The following SPATS2L variants were observed in gnomAD, a reference collection of about 807,000 sequenced individuals.
The protein encoded by SPATS2L is spermatogenesis associated serine rich 2 like, also known as SPATS2-like protein.
A neutral mutation model predicts 59.6 loss-of-function variants in SPATS2L; 30 were observed. The ratio of observed to expected loss-of-function variants is 0.50; its 90% CI spans 0.38 to 0.68. The LOEUF is 0.68. Among genes scored for constraint, SPATS2L ranks in the 30% least tolerant of loss-of-function variants. The pLI is 0.00. For missense variants in SPATS2L, 615 were observed against 700.0 expected, an observed-to-expected ratio of 0.88 and a Z score of 1.37; for synonymous variants, 252 against 263.5, an observed-to-expected ratio of 0.96 and a Z score of 0.42.
intron 12 of SPATS2L, among the ~76,000 whole-genome samples, chr2:200,476,874 G>A (rs1310519509): frequency 2.0e-5 from 3 of 152,208 alleles, no homozygotes; most frequent in Non-Finnish European, 4.4e-5. Context: ...TAGTAAACGC[G>A]GGGGATTTTA....
chr2:200,320,880 G>T (rs1484866281), intron 1 of SPATS2L, among the ~76,000 whole-genome samples: 1 of 151,916 alleles, frequency 6.6e-6, no homozygotes, highest in Non-Finnish European at 1.5e-5. Flanking sequence ...TAATTTAAAA[G>T]AATAGTATTC....
chr2:200,479,363 T>C lies in SPATS2L; in HGVS notation c.*1332T>C, dbSNP rs1364933037. 7.6e-6 allele frequency: 3 copies of C among 394,522 alleles called. No individual in the cohort carries two copies. The highest frequency in any genetic ancestry group is 1.3e-5 in the Non-Finnish European group (3 of 224,044). The allele number at this position is 394,522 out of a possible 1,614,324, so 24.4% of individuals were successfully genotyped here. On this transcript the variant is annotated 3_prime_UTR_variant, in exon 13 of 13. Coordinates refer to ENST00000409140, the MANE Select transcript of SPATS2L (RefSeq NM_001100423.2). ...TAGTAGCTTCTACACAGAGCAAGTG[T>C]CTTTCTCAGAAATCCCAGCAAAGGT...
In SPATS2L at chr2:200,371,547, C is replaced by T. The variant is rs536134417; in HGVS notation, c.-22-17676C>T. ...GGCTATTTAATGAGGATATTGACTG[C>T]GGGATTAACTTACAGCTCAGGAGTA... On this transcript the variant is annotated intron_variant, in intron 2 of 12. Transcript: ENST00000409140. 2.6e-5 allele frequency among the ~76,000 whole-genome samples: 4 copies of T among 151,980 alleles called. No homozygotes were observed. In the South Asian group the frequency reaches 6.2e-4, roughly 24 times the overall value.
chr2:200,386,165 G>GGAGCCTGTAGAGGCAGCCTTCCA (rs548064400), intron 2 of SPATS2L, among the ~76,000 whole-genome samples: 2 of 152,142 alleles, frequency 1.3e-5, no homozygotes, highest in East Asian at 1.9e-4. Context: ...CCTGGAAGAT[G>GGAGCCTGTAGAGGCAGCCTTCCA]GAGCCTGTAG....
intron 3 of SPATS2L, among the ~76,000 whole-genome samples, chr2:200,403,768 G>A (rs1401208635): frequency 6.6e-6 from 1 of 152,068 alleles, no homozygotes; most frequent in African/African-American, 2.4e-5. Flanking sequence ...CATGCCGATC[G>A]GCACCGTAAC....
At chr2:200,425,305 A>G (rs1365738692) in intron 6 of SPATS2L, among the ~76,000 whole-genome samples, 1 of 151,928 alleles carries the variant, frequency 6.6e-6, no homozygotes, top group South Asian at 2.1e-4. Context: ...TAAGCCCTAT[A>G]TTGGACAGAG....
chr2:200,308,561 C>T (rs1262675378), intron 1 of SPATS2L, among the ~76,000 whole-genome samples: 1 of 152,094 alleles, frequency 6.6e-6, no homozygotes, highest in Non-Finnish European at 1.5e-5. Context: ...GAACAGAAAA[C>T]ATGTCAAATC....
chr2:200,424,611 T>C, intron 6 of SPATS2L, among the ~76,000 whole-genome samples: 1 of 152,224 alleles, frequency 6.6e-6, no homozygotes, highest in Non-Finnish European at 1.5e-5. Flanking sequence ...TTTTCCCAAA[T>C]GTTCCTCCTG....
intron 1 of SPATS2L, among the ~76,000 whole-genome samples, chr2:200,310,059 G>A (rs1399097099): frequency 6.6e-6 from 1 of 152,234 alleles, no homozygotes; most frequent in Admixed American, 6.5e-5. Flanking sequence ...TAAATGTGAT[G>A]TTATCCTTCC....
At chr2:200,360,453 T>C (rs952401003) in intron 2 of SPATS2L, among the ~76,000 whole-genome samples, 1 of 152,206 alleles carries the variant, frequency 6.6e-6, no homozygotes, top group Admixed American at 6.5e-5. Context: ...CTTCTCTACC[T>C]CTGTCCTCCC....
intron 2 of SPATS2L, among the ~76,000 whole-genome samples, chr2:200,341,829 A>G (rs1328544528): frequency 6.6e-6 from 1 of 151,624 alleles, no homozygotes. Context: ...AGCTGGGACT[A>G]CAGGTGCCTG....
Position 200,419,421 on chromosome 2 carries a change from A to G in SPATS2L, c.370A>G (p.Lys124Glu). 6.2e-7 allele frequency: 1 copy of G among 1,613,846 alleles called. No individual in the cohort carries two copies. Among genetic ancestry groups the G allele is most frequent in the East Asian group, 2.2e-5 (1 of 44,824 alleles). Residue 124 changes from lysine to glutamate, a missense_variant, in exon 6 of 13, where the codon AAA becomes GAA. Lys to Glu is a moderately conservative substitution (Grantham distance 56). Coordinates refer to ENST00000409140, the MANE Select transcript of SPATS2L (RefSeq NM_001100423.2). Reference sequence around the variant, plus strand: ...CTCGTCCACAGATTCTGCTAACGAAAAACCAGCCCTTATCCCTCGTGAGAA... The same window carrying G: ...CTCGTCCACAGATTCTGCTAACGAAGAACCAGCCCTTATCCCTCGTGAGAA... ...DSSSTDSANE[K>E]PALIPREKKI...
intron 8 of SPATS2L, among the ~76,000 whole-genome samples, chr2:200,442,039 C>T (rs2084735690): frequency 6.6e-6 from 1 of 152,118 alleles, no homozygotes; most frequent in African/African-American, 2.4e-5. Context: ...CTTTCTCCTT[C>T]AGTTATCATT....
rs533648940 is a variant in SPATS2L at position 200,372,086 on chromosome 2, T to G, written c.-22-17137T>G. 1.3e-5 allele frequency: 13 copies of G among 985,426 alleles called. No homozygotes were observed. The South Asian group carries it at 5.2e-4, about 39-fold the overall frequency. 61.0% of individuals were successfully genotyped at this position (985,426 alleles called of 1,614,324 possible). ...CTTGTAGGTATCAGCTGGACTTGAC[T>G]TGGCTTCAATTTTTGCTTCAAGCTT... On this transcript the variant is annotated intron_variant, in intron 2 of 12. Transcript: ENST00000409140.
At chr2:200,325,109 TA>T (rs948776968) in intron 1 of SPATS2L, among the ~76,000 whole-genome samples, 2 of 152,136 alleles carry the variant, frequency 1.3e-5, no homozygotes, top group Non-Finnish European at 2.9e-5. Context: ...ATAGCTATCA[TA>T]AAAAAAGAAA....
intron 6 of SPATS2L, among the ~76,000 whole-genome samples, chr2:200,432,889 A>G (rs974743581): frequency 6.6e-6 from 1 of 152,148 alleles, no homozygotes. Flanking sequence ...ACTGAAGAAC[A>G]GAGAGAAAAA....
At chr2:200,356,529 T>TC (rs1194624123) in intron 2 of SPATS2L, among the ~76,000 whole-genome samples, 1 of 152,218 alleles carries the variant, frequency 6.6e-6, no homozygotes, top group Non-Finnish European at 1.5e-5. Flanking sequence ...TGCTTTTTTT[T>TC]CTCCCAAAAT....
chr2:200,412,139 A>C (rs1322879228), intron 3 of SPATS2L, among the ~76,000 whole-genome samples, 172 bp from the exon 4 acceptor site: 1 of 152,198 alleles, frequency 6.6e-6, no homozygotes, highest in African/African-American at 2.4e-5. Flanking sequence ...GATTACCAGG[A>C]TGAATTTTCA....
chr2:200,308,273 T>G (rs1361313663), intron 1 of SPATS2L, among the ~76,000 whole-genome samples: 1 of 150,904 alleles, frequency 6.6e-6, no homozygotes, highest in Admixed American at 6.6e-5. Flanking sequence ...ATACAACCAA[T>G]ACCCTGAAAA....
Sources: allele counts gnomAD v4.1 joint callset (sites outside exome capture counted in the v4.1 genomes callset), GRCh38; gene constraint gnomAD v4.1.1; transcripts MANE v1.5; gene names NCBI Gene and HGNC (gene_info 2026-07-23, HGNC 2026-07-21).